ZFAND3: variants seen among roughly 807,000 people sequenced by gnomAD.
ZFAND3 encodes AN1-type zinc finger protein 3.
ZFAND3 carries 10 observed loss-of-function variants against 29.6 expected under a neutral mutation model. That is an observed-to-expected ratio of 0.34 (90% CI 0.21 to 0.57). The LOEUF (loss-of-function observed/expected upper bound fraction) is 0.57. Among genes scored for constraint, ZFAND3 ranks in the 20% least tolerant of loss-of-function variants. The pLI, the probability that ZFAND3 is intolerant of heterozygous loss-of-function variation, is 0.86. For missense variants in ZFAND3, 230 were observed against 304.5 expected (o/e 0.76, Z 1.82); for synonymous variants, 128 against 112.6 (o/e 1.14, Z -0.87).
At chr6:37,930,045 C>CTTTTTTTTTTT (rs370975464) in intron 2 of ZFAND3, 46 bp downstream of exon 2, 9 of 1,163,812 alleles carry the variant, frequency 7.7e-6, no homozygotes, top group Admixed American at 5.2e-5. Flanking sequence ...ATTTTTCTTT[C>CTTTTTTTTTTT]TTTTTTTTTT....
chr6:38,055,965 G>A (rs1285545659), intron 2 of ZFAND3, among the ~76,000 whole-genome samples: 3 of 152,198 alleles, frequency 2.0e-5, no homozygotes, highest in African/African-American at 7.2e-5. Flanking sequence ...CCTGAATAAT[G>A]TAGGAGACTG....
intron 4 of ZFAND3, among the ~76,000 whole-genome samples, chr6:38,114,807 C>T (rs754405337): frequency 5.3e-5 from 8 of 152,340 alleles, no homozygotes; most frequent in Non-Finnish European, 2.9e-5. Flanking sequence ...AACATTAGGA[C>T]TGCCTAGGAG....
intron 1 of ZFAND3, among the ~76,000 whole-genome samples, chr6:37,861,497 GA>G (rs145725405): frequency 0.067 from 10,188 of 152,196 alleles, 407 homozygotes; most frequent in Non-Finnish European, 0.085. Flanking sequence ...AGGGTACAGT[GA>G]AAAAAGAACT....
At chr6:38,125,687 T>G (rs998561162) in intron 5 of ZFAND3, among the ~76,000 whole-genome samples, 3 of 152,250 alleles carry the variant, frequency 2.0e-5, no homozygotes, top group Admixed American at 1.3e-4. Flanking sequence ...GGTATTTGGA[T>G]AGGTTATCCT....
At chr6:38,033,785 G>A (rs1253822536) in intron 2 of ZFAND3, among the ~76,000 whole-genome samples, 1 of 152,090 alleles carries the variant, frequency 6.6e-6, no homozygotes, top group Non-Finnish European at 1.5e-5. Context: ...CTCTCTGAAA[G>A]CTTTCAGGGA....
intron 1 of ZFAND3, among the ~76,000 whole-genome samples, chr6:37,918,377 T>G (rs1446796750): frequency 6.6e-6 from 1 of 152,078 alleles, no homozygotes; most frequent in Non-Finnish European, 1.5e-5. Flanking sequence ...GCCTGGCCTG[T>G]GTAGATGTCT....
intron 4 of ZFAND3, among the ~76,000 whole-genome samples, chr6:38,111,968 T>C (rs1172891498): frequency 6.6e-6 from 1 of 152,166 alleles, no homozygotes; most frequent in Non-Finnish European, 1.5e-5. Flanking sequence ...CTGGAACCAA[T>C]CTCCCTTGGA....
At chr6:37,988,967 C>T (rs1408467704) in intron 2 of ZFAND3, among the ~76,000 whole-genome samples, 2 of 151,710 alleles carry the variant, frequency 1.3e-5, no homozygotes, top group Non-Finnish European at 2.9e-5. Flanking sequence ...TGCAGTGGTG[C>T]GGTCTCAGCT....
intron 2 of ZFAND3, among the ~76,000 whole-genome samples, chr6:37,989,118 G>GGC: frequency 6.6e-6 from 1 of 152,230 alleles, no homozygotes; most frequent in East Asian, 1.9e-4. Flanking sequence ...ATATTGGCCA[G>GGC]GCGGGCCTCA....
chr6:38,049,961 T>TATTTTTATTTTTTA (rs1554169849), intron 2 of ZFAND3, among the ~76,000 whole-genome samples: 11 of 25,024 alleles, frequency 4.4e-4, no homozygotes, highest in Non-Finnish European at 8.0e-4. Flanking sequence ...TTTTTTTTTT[T>TATTTTTATTTTTTA]TTTTTTTGGG....
intron 2 of ZFAND3, among the ~76,000 whole-genome samples, chr6:37,943,747 G>A (rs574817969): frequency 1.3e-4 from 20 of 152,168 alleles, no homozygotes; most frequent in Non-Finnish European, 1.9e-4. Flanking sequence ...GAATATTTGA[G>A]TGGAAAGAAT....
chr6:38,153,768 C>G lies in ZFAND3; in HGVS notation c.*1379C>G, dbSNP rs1766287153. Reference sequence around the variant, plus strand: ...GACAGGATCAGGATTCCCTTGAAAGCCCAGGCAGGGTGAGCAGTCCCAGTG... The same window carrying G: ...GACAGGATCAGGATTCCCTTGAAAGGCCAGGCAGGGTGAGCAGTCCCAGTG... On this transcript the variant is annotated 3_prime_UTR_variant, in exon 6 of 6. Coordinates refer to ENST00000287218, the MANE Select transcript of ZFAND3 (RefSeq NM_021943.3). 1.0e-6 allele frequency: 1 copy of G among 985,420 alleles called. No homozygotes were observed. The highest frequency in any genetic ancestry group is 4.7e-5 in the South Asian group (1 of 21,290). 61.0% of individuals were successfully genotyped at this position (985,420 alleles called of 1,614,324 possible).
chr6:38,144,232 T>TATATATATTATATATATATATA lies in ZFAND3; in HGVS notation c.530-8003_530-8002insATATATATTATATATATATATA, dbSNP rs147631639. Among the ~76,000 whole-genome samples, 25 of 48,270 alleles carry TATATATATTATATATATATATA rather than the reference T, an allele frequency of 5.2e-4. 1 individual carries two copies. The highest frequency in any genetic ancestry group is 7.5e-3 in the Middle Eastern group (1 of 134). The allele number at this position is 48,270 out of a possible 152,430, so 31.7% of individuals were successfully genotyped here. A position where few individuals can be genotyped will look rare whatever the true frequency, so the allele number is the denominator to read the frequency against. On this transcript the variant is annotated intron_variant, in intron 5 of 5. Coordinates refer to ENST00000287218, the MANE Select transcript of ZFAND3 (RefSeq NM_021943.3). ...ATATAATATATAATATATATATATA[T>TATATATATTATATATATATATA]TTTTTTTTTAATAAGGTTGCTTGAT...
At chr6:38,054,307 T>G (rs1764090704) in intron 2 of ZFAND3, among the ~76,000 whole-genome samples, 1 of 149,462 alleles carries the variant, frequency 6.7e-6, no homozygotes, top group Non-Finnish European at 1.5e-5. Flanking sequence ...GGTGGGAGCG[T>G]CACTTGGGCC....
chr6:38,028,092 A>G (rs1763482917), intron 2 of ZFAND3, among the ~76,000 whole-genome samples: 1 of 152,200 alleles, frequency 6.6e-6, no homozygotes, highest in South Asian at 2.1e-4. Flanking sequence ...TATATCATGG[A>G]TGGTTCATAA....
rs1161133677 is a variant in ZFAND3 at position 37,858,845 on chromosome 6, T to C, written c.71+38829T>C. On this transcript the variant is annotated intron_variant, in intron 1 of 5. Transcript: ENST00000287218. The stretch of plus-strand genomic sequence containing the variant: ...TATTAATGTTTAATTGGCTCTTTCG[T>C]GTTTATAGTGCTCTGCTGCAAACAC... Among the ~76,000 whole-genome samples, 19 of 152,246 alleles carry C rather than the reference T, an allele frequency of 1.2e-4. 1 individual carries two copies. The highest frequency in any genetic ancestry group is 1.2e-3 in the Admixed American group (19 of 15,284).
At chr6:38,093,942 T>C (rs2127475027) in intron 4 of ZFAND3, among the ~76,000 whole-genome samples, 1 of 151,054 alleles carries the variant, frequency 6.6e-6, no homozygotes, top group African/African-American at 2.4e-5. Context: ...GGAAGAGAAA[T>C]AGAAAAGATT....
Position 38,127,384 on chromosome 6 carries a change from C to G in ZFAND3, c.529+10645C>G, listed in dbSNP as rs149417715. 2.1e-3 allele frequency among the ~76,000 whole-genome samples: 313 copies of G among 152,280 alleles called. 1 individual carries two copies. The highest frequency in any genetic ancestry group is 0.02 in the Middle Eastern group (6 of 294). ...CTGTGTTCTAAAGAGTTTTGCCATC[C>G]CATAGACTCATTTCTGTTTGCAGAT... On this transcript the variant is annotated intron_variant, in intron 5 of 5. Coordinates refer to ENST00000287218, the MANE Select transcript of ZFAND3 (RefSeq NM_021943.3).
At chr6:38,022,303 G>T (rs1763367871) in intron 2 of ZFAND3, among the ~76,000 whole-genome samples, 2 of 152,148 alleles carry the variant, frequency 1.3e-5, no homozygotes, top group Non-Finnish European at 2.9e-5. Flanking sequence ...AGGCAAGAAG[G>T]CTTTAAAAAT....
Sources: allele counts gnomAD v4.1 joint callset (sites outside exome capture counted in the v4.1 genomes callset), GRCh38; gene constraint gnomAD v4.1.1; transcripts MANE v1.5; gene names NCBI Gene and HGNC (gene_info 2026-07-23, HGNC 2026-07-21).